Variants in ATP5F1B observed in about 807,000 individuals in gnomAD.
The protein encoded by ATP5F1B is ATP synthase F1 subunit beta, also known as ATP synthase F(1) complex subunit beta, mitochondrial.
Under a neutral mutation model 45.9 loss-of-function variants are expected in ATP5F1B, and 17 were observed. The ratio of observed to expected loss-of-function variants is 0.37; its 90% confidence interval spans 0.25 to 0.56. The LOEUF is 0.56. Among genes scored for constraint, ATP5F1B ranks in the 20% least tolerant of loss-of-function variants. The pLI, the probability that ATP5F1B is intolerant of heterozygous loss-of-function variation, is 0.80. For synonymous variants in ATP5F1B, 218 were observed against 256.5 expected (o/e 0.85, Z 1.43); for missense variants, 387 against 673.2 (o/e 0.57, Z 4.70).
chr12:56,640,731 T>C (rs1328073369), intron 7 of ATP5F1B, among the ~76,000 whole-genome samples: 1 of 152,028 alleles, frequency 6.6e-6, no homozygotes, highest in Non-Finnish European at 1.5e-5. Context: ...ACTATTTTAA[T>C]GCCCACTTTT....
At position 56,642,563 on chromosome 12, in the gene ATP5F1B, G is replaced by C. The variant is rs1308182576; in HGVS notation, c.969C>G (p.Gly323=). ...QAGSEVSALL[G]RIPSAVGYQP... ...GATAGCCCACAGCAGAAGGGATTCGGCCCAATAATGCAGACACCTAAAAGA... is the reference window on the plus strand; with the variant it reads ...GATAGCCCACAGCAGAAGGGATTCGCCCCAATAATGCAGACACCTAAAAGA... Residue 323 remains glycine, a synonymous_variant, in exon 7 of 10, where the codon GGC becomes GGG. Transcript: ENST00000262030. The C allele has an allele frequency of 6.2e-7, 1 of 1,613,952 alleles. No individual in the cohort carries two copies. The highest frequency in any genetic ancestry group is 8.5e-7 in the Non-Finnish European group (1 of 1,180,016).
At chr12:56,638,523 A>G (rs1439036267) in intron 9 of ATP5F1B, 100 bp from the exon 10 acceptor site, 2 of 869,338 alleles carry the variant, frequency 2.3e-6, no homozygotes, top group Non-Finnish European at 3.7e-6. Flanking sequence ...ATCAGTTAGA[A>G]TGTGATGAAT....
chr12:56,642,366 A>G (rs1374264017), intron 7 of ATP5F1B, 92 bp downstream of exon 7: 1 of 1,554,102 alleles, frequency 6.4e-7, no homozygotes, highest in East Asian at 2.3e-5. Context: ...GGCTCAAGCA[A>G]TCTTCCTGCC....
intron 5 of ATP5F1B, 86 bp from the exon 6 acceptor site, chr12:56,642,917 C>T: frequency 1.4e-6 from 2 of 1,441,362 alleles, no homozygotes; most frequent in Non-Finnish European, 1.9e-6. Flanking sequence ...GAAACGACCA[C>T]AGATCCTTTC....
rs930994618 is a variant in ATP5F1B at position 56,644,770 on chromosome 12, G to A, written c.485+11C>T. The A allele has an allele frequency of 6.2e-7, 1 of 1,606,266 alleles. No homozygotes were observed. Among genetic ancestry groups the A allele is most frequent in the Non-Finnish European group, 8.5e-7 (1 of 1,174,488 alleles). ...GTTCCTTTGTGCATAGATGCAATAA[G>A]AGCAACTTACTGTTTGGTTTTGATG... On this transcript the variant is annotated intron_variant, in intron 3 of 9. Coordinates refer to ENST00000262030, the MANE Select transcript of ATP5F1B (RefSeq NM_001686.4).
rs1951538382 is a variant in ATP5F1B, at chr12:56,644,839, T to C, written c.427A>G (p.Arg143Gly). The stretch of plus-strand genomic sequence containing the variant: ...GGTTCTCCAATGACATTCATGATTC[T>C]GCCCAAAGTCTCAGGACCAACAGGA... ...KIPVGPETLG[R>G]IMNVIGEPID... is the part of the protein sequence containing the mutation. The change falls in exon 3 of 10, where the codon AGA becomes GGA. Residue 143 changes from arginine to glycine, a missense_variant. Around this residue, in one of 6 missense-constraint regions of ATP5F1B, gnomAD observed 113 missense variants for 168.0 expected, o/e 0.67. Coordinates refer to ENST00000262030, the MANE Select transcript of ATP5F1B (RefSeq NM_001686.4). 6.2e-7 allele frequency: 1 copy of C among 1,614,224 alleles called. No individual in the cohort carries two copies.
At chr12:56,640,801 C>T (rs974079025) in intron 7 of ATP5F1B, among the ~76,000 whole-genome samples, 6 of 149,272 alleles carry the variant, frequency 4.0e-5, no homozygotes, top group Non-Finnish European at 5.9e-5. Context: ...AATCCCAGCA[C>T]TTTGGGAGGC....
intron 5 of ATP5F1B, 160 bp downstream of exon 5, chr12:56,643,243 C>CT (rs1381512597): frequency 3.4e-6 from 2 of 583,804 alleles, no homozygotes; most frequent in Non-Finnish European, 5.5e-6. Flanking sequence ...GGGGAAAACA[C>CT]TAACAGGTTT....
Position 56,645,309 on chromosome 12 carries a change from C to CG in ATP5F1B, c.171dup (p.Ala58ArgfsTer19). Reference sequence around the variant, plus strand: ...ACCGCCACGATGCGCCCGGTGGCGGCGCCTGCTTTTGGCGAAGGAGATGTT... The same window carrying CG: ...ACCGCCACGATGCGCCCGGTGGCGGCGGCCTGCTTTTGGCGAAGGAGATGTT... On this transcript the variant is annotated frameshift_variant, in exon 2 of 10. Coordinates refer to ENST00000262030, the MANE Select transcript of ATP5F1B (RefSeq NM_001686.4). LOFTEE classifies it high-confidence loss of function. The CG allele has an allele frequency of 6.2e-7, 1 of 1,614,130 alleles. No individual in the cohort carries two copies. The highest frequency in any genetic ancestry group is 8.5e-7 in the Non-Finnish European group (1 of 1,179,988).
At chr12:56,641,678 G>A (rs1262511226) in intron 7 of ATP5F1B, among the ~76,000 whole-genome samples, 6 of 151,712 alleles carry the variant, frequency 4.0e-5, no homozygotes, top group Admixed American at 3.9e-4. Context: ...AGCCTCCCGA[G>A]TAGCTGGAAC....
In ATP5F1B at chr12:56,645,933, C is replaced by T; in HGVS notation, c.31G>A (p.Ala11Thr). Residue 11 changes from alanine (A) to threonine (T), a missense_variant, in exon 1 of 10, where the codon GCT (alanine) becomes ACT (threonine). Coordinates refer to ENST00000262030, the MANE Select transcript of ATP5F1B (RefSeq NM_001686.4). ...CTCCGCAAGGCCCCGGAGGCCGGAG[C>T]AGCGGCCACCCGACCCACAAACCCC... is the stretch of plus-strand genomic sequence containing the variant. MLGFVGRVAAAPASGALRRLT... is the reference protein window; with the variant it reads MLGFVGRVAATPASGALRRLT... 1.2e-6 allele frequency: 2 copies of T among 1,606,164 alleles called. No homozygotes were observed. Among genetic ancestry groups the T allele is most frequent in the South Asian group, 1.1e-5 (1 of 89,860 alleles).
chr12:56,645,452 G>A (rs1359256296), intron 1 of ATP5F1B, 99 bp from the exon 2 acceptor site: 1 of 1,341,296 alleles, frequency 7.5e-7, no homozygotes, highest in East Asian at 2.4e-5. Flanking sequence ...CTCAGCCGAA[G>A]TCAGGCCTCT....
In ATP5F1B at chr12:56,645,254, T is replaced by C. The variant is rs114920447; in HGVS notation, c.227A>G (p.Asp76Gly). 3.1e-6 allele frequency: 5 copies of C among 1,614,230 alleles called. No homozygotes were observed. The highest frequency in any genetic ancestry group is 2.2e-5 in the South Asian group (2 of 91,086). The change falls in exon 2 of 10, where the codon GAT becomes GGT. Residue 76 changes from aspartate to glycine, a missense_variant. Transcript: ENST00000262030. ...ATTTAGAATTGGTGGTAGTCCCTCA[T>C]CAAACTGGACGTCCACCACTGCGCC... Reference protein sequence around the residue: ...VIGAVVDVQFDEGLPPILNAL... With the variant: ...VIGAVVDVQFGEGLPPILNAL...
At chr12:56,640,870 T>TAAAA (rs59336396) in intron 7 of ATP5F1B, among the ~76,000 whole-genome samples, 38 of 99,520 alleles carry the variant, frequency 3.8e-4, no homozygotes, top group African/African-American at 1.3e-3. Flanking sequence ...GGGTCTCTAC[T>TAAAA]AAAAAAAAAA....
chr12:56,639,090 G>A lies in ATP5F1B; in HGVS notation c.1489+16C>T, dbSNP rs770608613. ...ACAGCACAGTAAACATTCAAGATTTGTACTCAAAATCTCACCTGCCAAAAT... is the reference window on the plus strand; with the variant it reads ...ACAGCACAGTAAACATTCAAGATTTATACTCAAAATCTCACCTGCCAAAAT... On this transcript the variant is annotated intron_variant, in intron 9 of 9. Transcript: ENST00000262030. 6.2e-7 allele frequency: 1 copy of A among 1,611,612 alleles called. No homozygotes were observed. The highest frequency in any genetic ancestry group is 1.1e-5 in the South Asian group (1 of 91,026).
chr12:56,645,121 G>A, intron 2 of ATP5F1B, 50 bp downstream of exon 2: 10 of 1,611,908 alleles, frequency 6.2e-6, no homozygotes, highest in Non-Finnish European at 8.5e-6. Flanking sequence ...TGGTTTTGGG[G>A]ATATTTGGGC....
intron 3 of ATP5F1B, among the ~76,000 whole-genome samples, chr12:56,644,386 GA>G (rs10716881): frequency 0.42 from 61,187 of 146,392 alleles, 13,871 homozygotes; most frequent in African/African-American, 0.61. Context: ...GGTGGGGGGG[GA>G]ATCACCCAAA....
intron 3 of ATP5F1B, among the ~76,000 whole-genome samples, chr12:56,644,536 A>C (rs1951536511): frequency 6.6e-6 from 1 of 152,060 alleles, no homozygotes; most frequent in African/African-American, 2.4e-5. Flanking sequence ...ACTTGAACCC[A>C]GGAGGTGGAG....
rs994335545 is a variant in ATP5F1B, at chr12:56,641,058, AAAAAAAAT to A, written c.1075-874_1075-867del. ...ACTCCGTCTCAAAAAAATAAAAATTAAAAAAAATAAAAAAATAAAAAAGAGGCTGGGCA... is the reference window on the plus strand; with the variant it reads ...ACTCCGTCTCAAAAAAATAAAAATTAAAAAAAATAAAAAAGAGGCTGGGCA... On this transcript the variant is annotated intron_variant, in intron 7 of 9. Coordinates refer to ENST00000262030, the MANE Select transcript of ATP5F1B (RefSeq NM_001686.4). Among the ~76,000 whole-genome samples the A allele has an allele frequency of 1.6e-4, 24 of 150,802 alleles. No individual in the cohort carries two copies. The South Asian group carries it at 3.8e-3, about 24-fold the overall frequency.
Sources: allele counts gnomAD v4.1 joint callset (sites outside exome capture counted in the v4.1 genomes callset), GRCh38; gene constraint gnomAD v4.1.1; regional missense constraint gnomAD v4.1.1; transcripts MANE v1.5; gene names NCBI Gene and HGNC (gene_info 2026-07-23, HGNC 2026-07-21).